The following TAX1BP1 variants were observed in gnomAD, a reference collection of about 807,000 sequenced individuals.
TAX1BP1 encodes Tax1 binding protein 1.
Under a neutral mutation model 97.7 loss-of-function variants are expected in TAX1BP1, and 62 were observed. The ratio of observed to expected loss-of-function variants is 0.63; its 90% confidence interval spans 0.52 to 0.78. TAX1BP1 has a LOEUF of 0.78. Ranked by LOEUF, TAX1BP1 falls within the 30% of genes least tolerant of loss-of-function variation. The probability of loss-of-function intolerance (pLI) is 0.00; values close to 1 mark genes in which losing one functional copy is unlikely to be tolerated. For synonymous variants in TAX1BP1, 340 were observed against 304.2 expected (o/e 1.12, Z -1.23); for missense variants, 867 against 916.1 (o/e 0.95, Z 0.69).
chr7:27,815,046 GT>G (rs1490713521), intron 13 of TAX1BP1, among the ~76,000 whole-genome samples: 3 of 151,800 alleles, frequency 2.0e-5, no homozygotes, highest in Non-Finnish European at 2.9e-5. Flanking sequence ...CATTTTCCTA[GT>G]TTTTATAGAT....
intron 5 of TAX1BP1, among the ~76,000 whole-genome samples, chr7:27,778,708 CA>C (rs1323227355): frequency 3.9e-5 from 6 of 151,998 alleles, no homozygotes; most frequent in Non-Finnish European, 8.8e-5. Flanking sequence ...ACTAAAAATA[CA>C]AAAATTAGCT....
intron 5 of TAX1BP1, among the ~76,000 whole-genome samples, chr7:27,777,849 C>G (rs921859479): frequency 3.9e-5 from 6 of 152,324 alleles, no homozygotes; most frequent in African/African-American, 1.2e-4. Flanking sequence ...TCAGGGATCA[C>G]TGACCTTTTA....
chr7:27,742,185 C>T (rs1311638598), intron 1 of TAX1BP1, among the ~76,000 whole-genome samples: 1 of 152,180 alleles, frequency 6.6e-6, no homozygotes. Flanking sequence ...ACTAATCCTC[C>T]TCAGCACAGA....
intron 1 of TAX1BP1, among the ~76,000 whole-genome samples, chr7:27,747,230 T>G (rs1787858240): frequency 6.6e-6 from 1 of 152,200 alleles, no homozygotes; most frequent in African/African-American, 2.4e-5. Context: ...GTACGGAGCC[T>G]GTGACAAACT....
chr7:27,754,692 C>A (rs956516746), intron 2 of TAX1BP1, among the ~76,000 whole-genome samples: 3 of 152,114 alleles, frequency 2.0e-5, no homozygotes, highest in Non-Finnish European at 2.9e-5. Context: ...CCTGCCTCAG[C>A]CTCCTGAGTA....
In TAX1BP1 at chr7:27,790,963, C is replaced by G. The variant is rs535944170; in HGVS notation, c.1039-1043C>G. ...TTTTACTGCATAATCGCATTTATTT[C>G]TTTAGAAAATTTTGTATGTTCATGA... is the stretch of plus-strand genomic sequence containing the variant. On this transcript the variant is annotated intron_variant, in intron 8 of 16. Transcript: ENST00000396319. 3.3e-5 allele frequency among the ~76,000 whole-genome samples: 5 copies of G among 152,088 alleles called. No homozygotes were observed. The South Asian group carries it at 1.0e-3, about 32-fold the overall frequency.
chr7:27,818,687 A>G (rs1206831820), intron 15 of TAX1BP1, among the ~76,000 whole-genome samples: 1 of 152,150 alleles, frequency 6.6e-6, no homozygotes. Flanking sequence ...GATTGTAATA[A>G]CTTTAACATC....
chr7:27,771,057 T>G (rs540785171), intron 5 of TAX1BP1, among the ~76,000 whole-genome samples: 1 of 145,650 alleles, frequency 6.9e-6, no homozygotes, highest in Non-Finnish European at 1.5e-5. Context: ...TAGTAAAATC[T>G]CATAATATGT....
intron 2 of TAX1BP1, among the ~76,000 whole-genome samples, chr7:27,757,623 A>C (rs1279044862): frequency 6.6e-6 from 1 of 152,106 alleles, no homozygotes; most frequent in Non-Finnish European, 1.5e-5. Flanking sequence ...CAGTTGTTGG[A>C]TCTGCTAGAC....
intron 13 of TAX1BP1, among the ~76,000 whole-genome samples, chr7:27,801,694 TG>T (rs1434342531): frequency 6.6e-6 from 1 of 152,204 alleles, no homozygotes; most frequent in East Asian, 1.9e-4. Flanking sequence ...CTATAAGCCA[TG>T]GGAAGCTAAA....
At chr7:27,742,864 T>C (rs1038833574) in intron 1 of TAX1BP1, among the ~76,000 whole-genome samples, 2 of 152,206 alleles carry the variant, frequency 1.3e-5, no homozygotes, top group African/African-American at 4.8e-5. Flanking sequence ...AAAAGTAAAA[T>C]TTTGGAATTC....
chr7:27,768,890 C>A (rs1788739369), intron 4 of TAX1BP1, among the ~76,000 whole-genome samples: 1 of 151,918 alleles, frequency 6.6e-6, no homozygotes, highest in Non-Finnish European at 1.5e-5. Flanking sequence ...GGAGGAAAAA[C>A]ATTTTACCAA....
At position 27,765,835 on chromosome 7, in the gene TAX1BP1, A is replaced by G. The variant is rs903451677; in HGVS notation, c.267A>G (p.Gly89=). The G allele has an allele frequency of 3.3e-5, 53 of 1,612,636 alleles. 1 individual carries two copies. The East Asian group carries it at 7.6e-4, about 23-fold the overall frequency. The change falls in exon 4 of 17, where the codon GGA becomes GGG. Residue 89 remains glycine, a splice_region_variant and synonymous_variant. Transcript: ENST00000396319. The part of the protein sequence containing the change: ...STVNCVLAFQ[G]YYLPNDDGEF... ...TTTTGTTTGTTAACTTCCTCTTAGG[A>G]TATTACCTTCCAAATGATGATGGAG...
intron 5 of TAX1BP1, among the ~76,000 whole-genome samples, chr7:27,771,058 CATA>C (rs902893424): frequency 2.3e-4 from 31 of 134,514 alleles, no homozygotes; most frequent in African/African-American, 8.1e-4. Context: ...AGTAAAATCT[CATA>C]ATATGTGCCC....
chr7:27,780,097 G>A (rs1028796456), intron 5 of TAX1BP1, among the ~76,000 whole-genome samples: 1 of 152,152 alleles, frequency 6.6e-6, no homozygotes, highest in African/African-American at 2.4e-5. Flanking sequence ...ACAACCAGCA[G>A]TCTCTGCCAC....
chr7:27,817,132 G>A lies in TAX1BP1; in HGVS notation c.2085+94G>A, dbSNP rs982741331. ...TATGTGTGCATATGTGTATCTTTGT[G>A]CGTGCATGCGTGTGTGTGGAAGGAG... On this transcript the variant is annotated intron_variant, in intron 15 of 16. Coordinates refer to ENST00000396319, the MANE Select transcript of TAX1BP1 (RefSeq NM_006024.7). The A allele has an allele frequency of 2.9e-6, 4 of 1,397,038 alleles. No homozygotes were observed. The African/African-American group carries it at 5.8e-5, about 20-fold the overall frequency. 86.5% of individuals were successfully genotyped at this position (1,397,038 alleles called of 1,614,324 possible). A position where few individuals can be genotyped will look rare whatever the true frequency, so the allele number is the denominator to read the frequency against.
At chr7:27,766,226 C>T (rs372447909) in intron 4 of TAX1BP1, among the ~76,000 whole-genome samples, 1 of 151,918 alleles carries the variant, frequency 6.6e-6, no homozygotes, top group South Asian at 2.1e-4. Flanking sequence ...CGAGACCATC[C>T]TGGCTAACAC....
rs542939164 is a variant in TAX1BP1, at chr7:27,764,642, C to T, written c.266-1192C>T. 2.0e-5 allele frequency among the ~76,000 whole-genome samples: 3 copies of T among 152,160 alleles called. No individual in the cohort carries two copies. The East Asian group carries it at 5.8e-4, about 29-fold the overall frequency. On this transcript the variant is annotated intron_variant, in intron 3 of 16. Coordinates refer to ENST00000396319, the MANE Select transcript of TAX1BP1 (RefSeq NM_006024.7). ...AGCTACTTTGAGACTGTGGAAATAT[C>T]TTGTTTCTCCTCATATTTTCAGCCA...
chr7:27,740,072 G>C (rs79168029), upstream of TAX1BP1: 21,423 of 152,380 alleles, frequency 0.14, 1,758 homozygotes, highest in Middle Eastern at 0.19. Flanking sequence ...TCGCGGAGGG[G>C]AGCGGCGAAC....
Sources: gnomAD v4.1 joint callset for allele counts (sites outside exome capture counted in the v4.1 genomes callset) on GRCh38, gnomAD v4.1.1 for gene constraint, MANE v1.5 for transcripts, NCBI Gene and HGNC (gene_info 2026-07-23, HGNC 2026-07-21) for gene names.